Variants in ANKRD29 observed in about 807,000 individuals in gnomAD.
ANKRD29 encodes the protein ankyrin repeat domain 29.
A neutral mutation model predicts 38.0 loss-of-function variants in ANKRD29; 32 were observed. The ratio of observed to expected loss-of-function variants is 0.84; its 90% CI spans 0.64 to 1.13. The LOEUF is 1.13. Ranked by LOEUF, ANKRD29 falls within the 50% of genes most tolerant of loss-of-function variation. The pLI, the probability that ANKRD29 is intolerant of heterozygous loss-of-function variation, is 0.00. For missense variants in ANKRD29, 357 were observed against 377.9 expected, an observed-to-expected ratio of 0.94 and a Z score of 0.46; for synonymous variants, 135 against 152.4, an observed-to-expected ratio of 0.89 and a Z score of 0.84.
chr18:23,649,351 T>A, intron 1 of ANKRD29, 158 bp from the exon 2 acceptor site: 1 of 707,228 alleles, frequency 1.4e-6, no homozygotes, highest in Non-Finnish European at 2.6e-6. Context: ...AATAACAGAA[T>A]GAACTCTGTT....
chr18:23,629,769 C>G, intron 6 of ANKRD29, 84 bp downstream of exon 6: 3 of 1,080,652 alleles, frequency 2.8e-6, no homozygotes, highest in Non-Finnish European at 2.8e-6. Flanking sequence ...TACTGGTTAT[C>G]TCAGGTATGT....
intron 6 of ANKRD29, among the ~76,000 whole-genome samples, chr18:23,623,147 A>G (rs145993783): frequency 6.6e-6 from 1 of 152,340 alleles, no homozygotes; most frequent in East Asian, 1.9e-4. Flanking sequence ...ATGAGAAACA[A>G]TACGCCCCTT....
At position 23,619,405 on chromosome 18, in the gene ANKRD29, T is replaced by C. The variant is rs375220556; in HGVS notation, c.627+126A>G. Reference sequence around the variant, plus strand: ...AGCACCGAATCAGACCTTGACTTTGTTTTCCTGCTCAAGGAAGGAGGTTGG... The same window carrying C: ...AGCACCGAATCAGACCTTGACTTTGCTTTCCTGCTCAAGGAAGGAGGTTGG... On this transcript the variant is annotated intron_variant, in intron 7 of 9. Coordinates refer to ENST00000592179, the MANE Select transcript of ANKRD29 (RefSeq NM_173505.4). The C allele has an allele frequency of 5.2e-4, 472 of 912,688 alleles. 11 individuals carry two copies. In the South Asian group the frequency reaches 8.2e-3, roughly 16 times the overall value. The allele number at this position is 912,688 out of a possible 1,614,324, so 56.5% of individuals were successfully genotyped here. A position where few individuals can be genotyped will look rare whatever the true frequency, so the allele number is the denominator to read the frequency against.
At chr18:23,611,950 T>G in intron 9 of ANKRD29, 142 bp downstream of exon 9, 1 of 645,052 alleles carries the variant, frequency 1.6e-6, no homozygotes, top group Non-Finnish European at 2.7e-6. Flanking sequence ...TGCTCACTAA[T>G]CACCTACTAA....
At chr18:23,612,909 A>T (rs140824776) in intron 8 of ANKRD29, among the ~76,000 whole-genome samples, 39 of 152,310 alleles carry the variant, frequency 2.6e-4, no homozygotes, top group African/African-American at 9.4e-4. Flanking sequence ...CAGTCATAAG[A>T]CATGGTTCTA....
At chr18:23,655,830 A>G (rs1343325665) in intron 1 of ANKRD29, among the ~76,000 whole-genome samples, 2 of 145,712 alleles carry the variant, frequency 1.4e-5, no homozygotes, top group African/African-American at 5.0e-5. Flanking sequence ...GCGGTGGCTC[A>G]CGCCTGTAAT....
rs1189684145 is a variant in ANKRD29, at chr18:23,659,664, A to G, written c.21+3046T>C. Among the ~76,000 whole-genome samples, 9 of 146,512 alleles carry G rather than the reference A, an allele frequency of 6.1e-5. No homozygotes were observed. The East Asian group carries it at 8.3e-4, about 13-fold the overall frequency. On this transcript the variant is annotated intron_variant, in intron 1 of 9. Coordinates refer to ENST00000592179, the MANE Select transcript of ANKRD29 (RefSeq NM_173505.4). Reference sequence around the variant, plus strand: ...AGGCTGAGGCAGGAGAATTGCTTGAACCCGGGAGGCAGAGGTTGCGGTGAG... The same window carrying G: ...AGGCTGAGGCAGGAGAATTGCTTGAGCCCGGGAGGCAGAGGTTGCGGTGAG...
chr18:23,627,441 T>C (rs1469523692), intron 6 of ANKRD29, among the ~76,000 whole-genome samples: 1 of 152,194 alleles, frequency 6.6e-6, no homozygotes, highest in Non-Finnish European at 1.5e-5. Context: ...TCATCCACTT[T>C]GACCAGGTTA....
intron 2 of ANKRD29, 44 bp downstream of exon 2, chr18:23,649,039 G>A (rs773113438): frequency 6.5e-7 from 1 of 1,528,090 alleles, no homozygotes; most frequent in African/African-American, 1.4e-5. Context: ...TGCCCACAGA[G>A]GGCAATGGTG....
chr18:23,637,754 A>T (rs965490335), intron 4 of ANKRD29, among the ~76,000 whole-genome samples: 1 of 152,152 alleles, frequency 6.6e-6, no homozygotes, highest in East Asian at 1.9e-4. Flanking sequence ...CTTGATATCT[A>T]AATAGTCCAC....
chr18:23,610,912 T>G (rs2059633295), intron 9 of ANKRD29, among the ~76,000 whole-genome samples: 1 of 152,172 alleles, frequency 6.6e-6, no homozygotes, highest in African/African-American at 2.4e-5. Context: ...ACTCCTGGGC[T>G]CAAGCAATCT....
rs2059486568 is a variant in ANKRD29 at position 23,599,268 on chromosome 18, A to G, written c.*1958T>C. The G allele has an allele frequency of 6.6e-6, 1 of 152,234 alleles. No homozygotes were observed. Among genetic ancestry groups the G allele is most frequent in the Admixed American group, 6.5e-5 (1 of 15,284 alleles). 9.4% of individuals were successfully genotyped at this position (152,234 alleles called of 1,614,324 possible). A position where few individuals can be genotyped will look rare whatever the true frequency, so the allele number is the denominator to read the frequency against. Reference sequence around the variant, plus strand: ...TCTTCCCTACAGTAAGAAGGCCTCCATATTGTTCAAGCTACTGGCTTCAAT... The same window carrying G: ...TCTTCCCTACAGTAAGAAGGCCTCCGTATTGTTCAAGCTACTGGCTTCAAT... On this transcript the variant is annotated 3_prime_UTR_variant, in exon 10 of 10. Transcript: ENST00000592179.
intron 1 of ANKRD29, among the ~76,000 whole-genome samples, chr18:23,660,603 C>T (rs1259781336): frequency 6.6e-6 from 1 of 152,146 alleles, no homozygotes; most frequent in African/African-American, 2.4e-5. Context: ...GTCAGGAGTT[C>T]GAGACCAGGC....
rs1245235846 is a variant in ANKRD29, at chr18:23,601,319, G to A, written c.823-10C>T. The A allele has an allele frequency of 1.9e-6, 3 of 1,612,964 alleles. No homozygotes were observed. ...CCGGAAGTTCATTGGCCTGAAAGAA[G>A]AGAAGATGGGCATTAGTGAATCCCC... On this transcript the variant is annotated splice_polypyrimidine_tract_variant and intron_variant, in intron 9 of 9. Coordinates refer to ENST00000592179, the MANE Select transcript of ANKRD29 (RefSeq NM_173505.4).
chr18:23,608,980 G>C (rs927084580), intron 9 of ANKRD29, among the ~76,000 whole-genome samples: 2 of 152,008 alleles, frequency 1.3e-5, no homozygotes, highest in African/African-American at 2.4e-5. Flanking sequence ...TGTAATCCCA[G>C]CTACTCGGAA....
At chr18:23,624,832 T>C (rs918549701) in intron 6 of ANKRD29, among the ~76,000 whole-genome samples, 2 of 152,220 alleles carry the variant, frequency 1.3e-5, no homozygotes, top group Non-Finnish European at 1.5e-5. Flanking sequence ...CCAACTCTGT[T>C]ATTCCCTCAT....
intron 1 of ANKRD29, among the ~76,000 whole-genome samples, chr18:23,650,907 A>G (rs947194850): frequency 1.3e-5 from 2 of 152,242 alleles, no homozygotes; most frequent in Admixed American, 6.5e-5. Context: ...TTATAAAAGT[A>G]TTCACATTGT....
intron 3 of ANKRD29, among the ~76,000 whole-genome samples, chr18:23,644,278 G>A (rs2060112250): frequency 1.3e-5 from 2 of 152,166 alleles, no homozygotes; most frequent in South Asian, 4.1e-4. Context: ...TTTTGTGCAT[G>A]TGCAATTTGT....
intron 1 of ANKRD29, among the ~76,000 whole-genome samples, chr18:23,655,464 A>G (rs548609286): frequency 1.3e-5 from 2 of 152,146 alleles, no homozygotes; most frequent in East Asian, 3.9e-4. Flanking sequence ...TTATTTTTTG[A>G]GACGGAGTCT....
Sources: allele counts gnomAD v4.1 joint callset (sites outside exome capture counted in the v4.1 genomes callset), GRCh38; gene constraint gnomAD v4.1.1; transcripts MANE v1.5; gene names NCBI Gene and HGNC (gene_info 2026-07-23, HGNC 2026-07-21).